The following KLF12 variants were observed in gnomAD, a reference collection of about 807,000 sequenced individuals.
KLF12 encodes Krueppel-like factor 12.
In KLF12, 9 loss-of-function variants were observed where a neutral mutation model predicts 37.8. The ratio of observed to expected loss-of-function variants is 0.24; its 90% confidence interval spans 0.14 to 0.42. The LOEUF is 0.42. Ranked by LOEUF, KLF12 falls within the 10% of genes least tolerant of loss-of-function variation. The pLI is 1.00. For missense variants in KLF12, 411 were observed against 516.0 expected, an observed-to-expected ratio of 0.80 and a Z score of 1.97; for synonymous variants, 208 against 202.1, an observed-to-expected ratio of 1.03 and a Z score of -0.25.
chr13:73,986,461 T>A (rs757289216), intron 2 of KLF12, among the ~76,000 whole-genome samples: 8 of 152,206 alleles, frequency 5.3e-5, no homozygotes, highest in Non-Finnish European at 1.2e-4. Context: ...CCCAACCACA[T>A]GTTTATGACA....
chr13:74,183,068 T>G, the KLF12 span, among the ~76,000 whole-genome samples: 3 of 152,232 alleles, frequency 2.0e-5, no homozygotes, highest in African/African-American at 7.2e-5. Flanking sequence ...AATGGACTTT[T>G]AACTTCAGTT....
At chr13:74,269,361 A>G in the KLF12 span, among the ~76,000 whole-genome samples, 1 of 152,188 alleles carries the variant, frequency 6.6e-6, no homozygotes, top group South Asian at 2.1e-4. Flanking sequence ...TATAGAGCAT[A>G]CTGAGTTCAC....
At chr13:74,221,118 C>T in the KLF12 span, among the ~76,000 whole-genome samples, 4 of 151,830 alleles carry the variant, frequency 2.6e-5, no homozygotes, top group African/African-American at 9.7e-5. Flanking sequence ...CATTCTCCTG[C>T]CTCAGCCTGC....
chr13:74,165,702 T>C, the KLF12 span, among the ~76,000 whole-genome samples: 2 of 152,194 alleles, frequency 1.3e-5, no homozygotes, highest in African/African-American at 2.4e-5. Flanking sequence ...GATAAACTAC[T>C]ACTGTATTCT....
chr13:73,922,595 G>C (rs1889168575), intron 3 of KLF12, among the ~76,000 whole-genome samples: 1 of 152,080 alleles, frequency 6.6e-6, no homozygotes, highest in South Asian at 2.1e-4. Flanking sequence ...AGATTCCTCT[G>C]ATCATCCATG....
chr13:74,040,017 T>C (rs1288416819), intron 1 of KLF12, among the ~76,000 whole-genome samples: 2 of 152,230 alleles, frequency 1.3e-5, no homozygotes, highest in East Asian at 1.9e-4. Context: ...ATGAAAGTAT[T>C]CAACTGTGGG....
chr13:73,908,595 C>T (rs1410436903), intron 3 of KLF12, among the ~76,000 whole-genome samples: 1 of 151,628 alleles, frequency 6.6e-6, no homozygotes, highest in South Asian at 2.1e-4. Context: ...ATTCTCCCAC[C>T]TCAGCCTTCA....
At chr13:73,957,438 CAACT>C (rs1214487619) in intron 2 of KLF12, among the ~76,000 whole-genome samples, 2 of 152,134 alleles carry the variant, frequency 1.3e-5, no homozygotes, top group Non-Finnish European at 1.5e-5. Flanking sequence ...ATTAATATAA[CAACT>C]AAGGAAATCT....
At chr13:73,716,648 T>C (rs1253152448) in intron 6 of KLF12, among the ~76,000 whole-genome samples, 3 of 152,322 alleles carry the variant, frequency 2.0e-5, no homozygotes, top group East Asian at 1.9e-4. Context: ...TGTCTACCTA[T>C]ACAAATCTGC....
intron 4 of KLF12, among the ~76,000 whole-genome samples, chr13:73,832,643 G>A (rs1884225242): frequency 6.6e-6 from 1 of 152,216 alleles, no homozygotes; most frequent in Non-Finnish European, 1.5e-5. Context: ...AGAGAACTGA[G>A]GAGGAAAACC....
At chr13:73,772,374 T>C (rs530922513) in intron 5 of KLF12, among the ~76,000 whole-genome samples, 10 of 152,308 alleles carry the variant, frequency 6.6e-5, no homozygotes, top group African/African-American at 2.4e-4. Flanking sequence ...AGACAAATAA[T>C]TGACCATGAT....
intron 1 of KLF12, among the ~76,000 whole-genome samples, chr13:74,124,803 T>C (rs1290965724): frequency 6.6e-6 from 1 of 152,168 alleles, no homozygotes; most frequent in Non-Finnish European, 1.5e-5. Flanking sequence ...TCACCACAGC[T>C]GCCAAAATAT....
intron 1 of KLF12, among the ~76,000 whole-genome samples, chr13:74,122,625 AAC>A (rs1316876662): frequency 6.6e-6 from 1 of 152,070 alleles, no homozygotes; most frequent in Non-Finnish European, 1.5e-5. Context: ...AAAAACTGGA[AAC>A]ACAGTATTTC....
At chr13:74,122,917 T>TG (rs1300162208) in intron 1 of KLF12, among the ~76,000 whole-genome samples, 1 of 145,050 alleles carries the variant, frequency 6.9e-6, no homozygotes, top group African/African-American at 2.6e-5. Flanking sequence ...ATGCTAGTTT[T>TG]GGCTAGAAGA....
the KLF12 span, among the ~76,000 whole-genome samples, chr13:74,155,365 T>G: frequency 1.5e-5 from 2 of 135,238 alleles, no homozygotes; most frequent in Non-Finnish European, 3.4e-5. Flanking sequence ...TTGTTTTTGT[T>G]TTTGTTTTTT....
At chr13:74,013,845 CTTCTT>C (rs1173481761) in intron 1 of KLF12, among the ~76,000 whole-genome samples, 2 of 151,492 alleles carry the variant, frequency 1.3e-5, no homozygotes, top group South Asian at 2.1e-4. Context: ...CTACTTTCTT[CTTCTT>C]TTCTTTTTTT....
At chr13:74,219,312 T>A in the KLF12 span, among the ~76,000 whole-genome samples, 1 of 152,226 alleles carries the variant, frequency 6.6e-6, no homozygotes, top group Non-Finnish European at 1.5e-5. Flanking sequence ...ACCCATGAGA[T>A]GCTTTTTACT....
intron 4 of KLF12, among the ~76,000 whole-genome samples, chr13:73,820,592 T>C (rs1883466927): frequency 6.6e-6 from 1 of 152,250 alleles, no homozygotes; most frequent in African/African-American, 2.4e-5. Flanking sequence ...GCAGCAACTG[T>C]GATGGCCATA....
intron 3 of KLF12, among the ~76,000 whole-genome samples, chr13:73,923,540 G>A (rs923807660): frequency 6.6e-6 from 1 of 152,038 alleles, no homozygotes; most frequent in Non-Finnish European, 1.5e-5. Flanking sequence ...CATCAGACAG[G>A]GCAGACATTC....
Sources: gnomAD v4.1 joint callset for allele counts (sites outside exome capture counted in the v4.1 genomes callset) on GRCh38, gnomAD v4.1.1 for gene constraint, MANE v1.5 for transcripts, NCBI Gene and HGNC (gene_info 2026-07-23, HGNC 2026-07-21) for gene names.